The following ABHD4 variants were observed in gnomAD, a reference collection of about 807,000 sequenced individuals.
ABHD4 encodes the protein abhydrolase domain containing 4, N-acyl phospholipase B, also known as (Lyso)-N-acylphosphatidylethanolamine lipase.
In ABHD4, 35 loss-of-function variants were observed where a neutral mutation model predicts 42.3. The ratio of observed to expected loss-of-function variants is 0.83; its 90% confidence interval spans 0.63 to 1.10. The LOEUF (loss-of-function observed/expected upper bound fraction) is 1.10, where lower values mean the gene tolerates loss of function less well. ABHD4 is among the 50% of genes least tolerant of loss of function. ABHD4 has a pLI of 0.00. For synonymous variants in ABHD4, 169 were observed against 170.6 expected, an observed-to-expected ratio of 0.99 and a Z score of 0.07; for missense variants, 389 against 454.8, an observed-to-expected ratio of 0.86 and a Z score of 1.32.
chr14:22,605,994 G>A (rs182095396), intron 4 of ABHD4: 23 of 468,308 alleles, frequency 4.9e-5, no homozygotes, highest in African/African-American at 3.4e-4. Flanking sequence ...GAGCGCTGTC[G>A]GGAGGTGGTC....
At chr14:22,601,540 G>T in intron 1 of ABHD4, 127 bp from the exon 2 acceptor site, 1 of 785,640 alleles carries the variant, frequency 1.3e-6, no homozygotes. Context: ...CTGCCATGGG[G>T]GGCAGGTCTC....
Position 22,606,413 on chromosome 14 carries a change from C to G in ABHD4, c.641-9C>G. Reference sequence around the variant, plus strand: ...ATTGGCCTGTCTGTGTTTTTCTATCCCCTCCCAGGGCCTGGTCTGGTGCAG... The same window carrying G: ...ATTGGCCTGTCTGTGTTTTTCTATCGCCTCCCAGGGCCTGGTCTGGTGCAG... On this transcript the variant is annotated splice_polypyrimidine_tract_variant and intron_variant, in intron 4 of 6. Coordinates refer to ENST00000428304, the MANE Select transcript of ABHD4 (RefSeq NM_022060.3). The G allele has an allele frequency of 6.2e-7, 1 of 1,605,204 alleles. No homozygotes were observed. The highest frequency in any genetic ancestry group is 1.3e-5 in the African/African-American group (1 of 74,950).
intron 4 of ABHD4, among the ~76,000 whole-genome samples, chr14:22,605,033 C>T (rs919478203): frequency 3.3e-5 from 5 of 152,202 alleles, no homozygotes; most frequent in African/African-American, 2.4e-5. Context: ...ACATAACCCA[C>T]AGTGGCAGGC....
At position 22,604,014 on chromosome 14, in the gene ABHD4, A is replaced by C; in HGVS notation, c.575A>C (p.Lys192Thr). The change falls in exon 4 of 7, where the codon AAA becomes ACA. Residue 192 changes from lysine to threonine, a missense_variant. By Grantham distance (78) the Lys-to-Thr change is moderately conservative. Coordinates refer to ENST00000428304, the MANE Select transcript of ABHD4 (RefSeq NM_022060.3). ...ATCCGTGCACCCCCAGCCTGGGTCA[A>C]AGCCGTGGCATCTGTCCTAGGACGT... ...SEIRAPPAWVKAVASVLGRSN... is the reference protein window; with the variant it reads ...SEIRAPPAWVTAVASVLGRSN... 1 of 1,614,178 alleles carries C rather than the reference A, an allele frequency of 6.2e-7. No individual in the cohort carries two copies. Among genetic ancestry groups the C allele is most frequent in the Admixed American group, 1.7e-5 (1 of 60,030 alleles).
chr14:22,609,058 C>T (rs921617262), intron 5 of ABHD4, among the ~76,000 whole-genome samples: 10 of 151,528 alleles, frequency 6.6e-5, no homozygotes, highest in Non-Finnish European at 1.0e-4. Flanking sequence ...AGTGCAGTGG[C>T]GTGATCTTGG....
intron 2 of ABHD4, 48 bp from the exon 3 acceptor site, chr14:22,603,342 C>A: frequency 6.2e-7 from 1 of 1,607,714 alleles, no homozygotes. Flanking sequence ...AATGATGATG[C>A]CGTCAGGAAA....
In ABHD4 at chr14:22,608,656, G is replaced by A. The variant is rs115623151; in HGVS notation, c.753-1068G>A. Among the ~76,000 whole-genome samples, 473 of 152,220 alleles carry A rather than the reference G, an allele frequency of 3.1e-3. 2 individuals carry two copies. Among genetic ancestry groups the A allele is most frequent in the African/African-American group, 0.011 (452 of 41,524 alleles). On this transcript the variant is annotated intron_variant, in intron 5 of 6. Coordinates refer to ENST00000428304, the MANE Select transcript of ABHD4 (RefSeq NM_022060.3). Reference sequence around the variant, plus strand: ...CCCAGTCTGTGTTTTCATAGCACTCGACCACCTTTTCATCCTTCTTGGGAA... The same window carrying A: ...CCCAGTCTGTGTTTTCATAGCACTCAACCACCTTTTCATCCTTCTTGGGAA...
rs911279774 is a variant in ABHD4 at position 22,611,766 on chromosome 14, C to T, written c.*818C>T. 6.5e-6 allele frequency: 1 copy of T among 153,076 alleles called. No homozygotes were observed. Among genetic ancestry groups the T allele is most frequent in the Non-Finnish European group, 1.5e-5 (1 of 68,394 alleles). The allele number at this position is 153,076 out of a possible 1,614,324, so 9.5% of individuals were successfully genotyped here. ...GGGTGCTGTTGTCCTGCCTGTGTCT[C>T]ATCCCCGGCTGCCTAAGCTAGGGAC... On this transcript the variant is annotated 3_prime_UTR_variant, in exon 7 of 7. Coordinates refer to ENST00000428304, the MANE Select transcript of ABHD4 (RefSeq NM_022060.3).
chr14:22,605,761 A>G, intron 4 of ABHD4: 1 of 1,261,786 alleles, frequency 7.9e-7, no homozygotes, highest in Non-Finnish European at 1.0e-6. Flanking sequence ...GCCCCTTCTT[A>G]CCTCCCTCTT....
chr14:22,605,841 C>T, intron 4 of ABHD4: 3 of 1,288,490 alleles, frequency 2.3e-6, no homozygotes, highest in Non-Finnish European at 3.0e-6. Context: ...ACCAGTAGAC[C>T]TCATTTTTAC....
intron 2 of ABHD4, among the ~76,000 whole-genome samples, chr14:22,602,795 A>C (rs2037301309): frequency 6.6e-6 from 1 of 152,180 alleles, no homozygotes; most frequent in African/African-American, 2.4e-5. Flanking sequence ...GTAGTGTTAA[A>C]GAAAAAGTGA....
At chr14:22,605,879 T>C (rs1268647537) in intron 4 of ABHD4, 1 of 1,262,384 alleles carries the variant, frequency 7.9e-7, no homozygotes, top group Admixed American at 2.3e-5. Context: ...ATGTATACCA[T>C]AATGAGGTGA....
intron 5 of ABHD4, chr14:22,609,505 G>T (rs765219341): frequency 2.0e-6 from 1 of 492,606 alleles, no homozygotes; most frequent in Non-Finnish European, 3.6e-6. Context: ...TGGACAGTTC[G>T]TACTGCCATG....
At chr14:22,609,198 A>T (rs2037382820) in intron 5 of ABHD4, among the ~76,000 whole-genome samples, 1 of 151,886 alleles carries the variant, frequency 6.6e-6, no homozygotes. Context: ...GGGTCTCACC[A>T]TGTTGGCCAG....
At chr14:22,601,997 C>T (rs2037290971) in intron 2 of ABHD4, among the ~76,000 whole-genome samples, 2 of 152,184 alleles carry the variant, frequency 1.3e-5, no homozygotes, top group South Asian at 4.1e-4. Flanking sequence ...TGCAACTTCA[C>T]CTCAAACCCT....
intron 1 of ABHD4, chr14:22,598,621 C>A: frequency 1.5e-6 from 1 of 684,058 alleles, no homozygotes; most frequent in African/African-American, 1.8e-5. Context: ...TGGAGAGATT[C>A]CATGTTGATG....
At chr14:22,605,624 C>T (rs1206840724) in intron 4 of ABHD4, among the ~76,000 whole-genome samples, 1 of 152,176 alleles carries the variant, frequency 6.6e-6, no homozygotes, top group East Asian at 1.9e-4. Flanking sequence ...CCCCTATTCT[C>T]ACCTCTGGCC....
intron 1 of ABHD4, chr14:22,598,608 C>A: frequency 1.3e-6 from 1 of 757,568 alleles, no homozygotes; most frequent in Non-Finnish European, 2.1e-6. Flanking sequence ...CTCCTCTGGC[C>A]TCTGGAGAGA....
intron 5 of ABHD4, among the ~76,000 whole-genome samples, chr14:22,607,276 C>T (rs1594893207): frequency 6.6e-6 from 1 of 152,022 alleles, no homozygotes; most frequent in Non-Finnish European, 1.5e-5. Flanking sequence ...GTTTGGGCAC[C>T]GTGGATGGCA....
Sources: gnomAD v4.1 joint callset for allele counts (sites outside exome capture counted in the v4.1 genomes callset) on GRCh38, gnomAD v4.1.1 for gene constraint, MANE v1.5 for transcripts, NCBI Gene and HGNC (gene_info 2026-07-23, HGNC 2026-07-21) for gene names.